KIAA1549L: variants seen among roughly 807,000 people sequenced by gnomAD.
KIAA1549L encodes KIAA1549 like, also known as UPF0606 protein KIAA1549L.
A neutral mutation model predicts 160.7 loss-of-function variants in KIAA1549L; 88 were observed. The ratio of observed to expected loss-of-function variants is 0.55; its 90% CI spans 0.46 to 0.65. The LOEUF is 0.65. Ranked by LOEUF, KIAA1549L falls within the 30% of genes least tolerant of loss-of-function variation. KIAA1549L has a pLI of 0.00. For missense variants in KIAA1549L, 2,258 were observed against 2,437.5 expected, an observed-to-expected ratio of 0.93 and a Z score of 1.55; for synonymous variants, 950 against 976.7, an observed-to-expected ratio of 0.97 and a Z score of 0.51.
At chr11:33,439,242 T>G (rs1851443229) in intron 1 of KIAA1549L, among the ~76,000 whole-genome samples, 1 of 152,094 alleles carries the variant, frequency 6.6e-6, no homozygotes, top group Non-Finnish European at 1.5e-5. Flanking sequence ...TGAAATGACC[T>G]TCTTTAACTA....
At position 33,672,935 on chromosome 11, in the gene KIAA1549L, C is replaced by G. The variant is rs1852707941; in HGVS notation, c.*4781C>G. ...ATAAGAAAACCAATGAGCCCCTCAA[C>G]AGAGTCTTTTGAAACAAAATTGGTT... On this transcript the variant is annotated 3_prime_UTR_variant, in exon 21 of 21. Transcript: ENST00000658780. 6.5e-6 allele frequency: 1 copy of G among 153,768 alleles called. No individual in the cohort carries two copies. The highest frequency in any genetic ancestry group is 2.1e-4 in the South Asian group (1 of 4,836). 9.5% of individuals were successfully genotyped at this position (153,768 alleles called of 1,614,324 possible). A position where few individuals can be genotyped will look rare whatever the true frequency, so the allele number is the denominator to read the frequency against.
intron 1 of KIAA1549L, among the ~76,000 whole-genome samples, chr11:33,493,795 G>A (rs1852753065): frequency 6.6e-6 from 1 of 152,154 alleles, no homozygotes; most frequent in Admixed American, 6.5e-5. Context: ...TAGCCAAGGG[G>A]CAGACTTGGG....
At chr11:33,629,576 A>G (rs558920891) in intron 16 of KIAA1549L, among the ~76,000 whole-genome samples, 2 of 151,562 alleles carry the variant, frequency 1.3e-5, no homozygotes, top group South Asian at 2.1e-4. Flanking sequence ...CCAGTTGATC[A>G]CATCGGCTCC....
intron 20 of KIAA1549L, among the ~76,000 whole-genome samples, chr11:33,667,326 GT>G (rs1417778257): frequency 6.7e-6 from 1 of 149,544 alleles, no homozygotes; most frequent in African/African-American, 2.5e-5. Flanking sequence ...TATTCCTAAG[GT>G]TTTTCAGCAA....
intron 1 of KIAA1549L, among the ~76,000 whole-genome samples, chr11:33,441,809 T>G (rs1381220805): frequency 6.6e-6 from 1 of 152,218 alleles, no homozygotes; most frequent in South Asian, 2.1e-4. Flanking sequence ...CATTGTAGAT[T>G]CTGGATATTA....
chr11:33,421,919 G>A (rs935422619), intron 1 of KIAA1549L, among the ~76,000 whole-genome samples: 1 of 152,096 alleles, frequency 6.6e-6, no homozygotes, highest in Non-Finnish European at 1.5e-5. Flanking sequence ...GTGGATTTGA[G>A]GTGGGGTTTG....
chr11:33,661,903 A>G (rs1190001275), intron 20 of KIAA1549L, among the ~76,000 whole-genome samples: 2 of 84,826 alleles, frequency 2.4e-5, no homozygotes, highest in African/African-American at 8.2e-5. Context: ...AAAAAAAAAA[A>G]AAAGAAACCC....
intron 14 of KIAA1549L, 90 bp downstream of exon 14, chr11:33,606,912 G>A (rs376140594): frequency 2.6e-6 from 3 of 1,139,236 alleles, no homozygotes; most frequent in African/African-American, 1.6e-5. Context: ...ACTGGGTGCA[G>A]ATTGCACCTA....
chr11:33,584,227 C>A (rs1229475515), intron 11 of KIAA1549L, among the ~76,000 whole-genome samples: 2 of 152,204 alleles, frequency 1.3e-5, no homozygotes, highest in Non-Finnish European at 2.9e-5. Flanking sequence ...TACAGGCCAC[C>A]CAGTCTGTGA....
chr11:33,478,567 A>G (rs1203805166), intron 1 of KIAA1549L, among the ~76,000 whole-genome samples: 1 of 152,190 alleles, frequency 6.6e-6, no homozygotes, highest in Non-Finnish European at 1.5e-5. Context: ...CTGGTCACAG[A>G]TAGGAATAGC....
intron 1 of KIAA1549L, among the ~76,000 whole-genome samples, chr11:33,533,413 C>T (rs890033774): frequency 2.0e-5 from 3 of 152,202 alleles, no homozygotes; most frequent in Non-Finnish European, 2.9e-5. Flanking sequence ...CCTGGCTAAG[C>T]ACTTTCTTAA....
intron 1 of KIAA1549L, among the ~76,000 whole-genome samples, chr11:33,387,138 T>C (rs1351115392): frequency 6.6e-6 from 1 of 151,870 alleles, no homozygotes; most frequent in East Asian, 1.9e-4. Flanking sequence ...TAAAATAAAA[T>C]GAGAGAGAAG....
Position 33,581,397 on chromosome 11 carries a change from TTGTGTG to T in KIAA1549L, c.4403-1911_4403-1906del, listed in dbSNP as rs10579855. Among the ~76,000 whole-genome samples, 1,166 of 149,578 alleles carry T rather than the reference TTGTGTG, an allele frequency of 7.8e-3. 11 individuals are homozygous for T. Among genetic ancestry groups the T allele is most frequent in the South Asian group, 0.027 (127 of 4,678 alleles). On this transcript the variant is annotated intron_variant, in intron 10 of 20. Transcript: ENST00000658780. Reference sequence around the variant, plus strand: ...GTTTGACTTCATTCCTTCTGACAAATTGTGTGTGTGTGTGTGTGTGTGTGTGTGTGT... The same window carrying T: ...GTTTGACTTCATTCCTTCTGACAAATTGTGTGTGTGTGTGTGTGTGTGTGT...
intron 1 of KIAA1549L, among the ~76,000 whole-genome samples, chr11:33,449,059 T>G (rs748558153): frequency 1.3e-5 from 2 of 152,222 alleles, no homozygotes; most frequent in Non-Finnish European, 2.9e-5. Context: ...AACTCAAGTT[T>G]GATCTTAAAT....
At chr11:33,573,118 G>A (rs1590356737) in intron 9 of KIAA1549L, among the ~76,000 whole-genome samples, 2 of 152,030 alleles carry the variant, frequency 1.3e-5, no homozygotes, top group East Asian at 3.9e-4. Flanking sequence ...TTTTCTATTG[G>A]GTTGTAATAA....
chr11:33,568,112 A>G lies in KIAA1549L; in HGVS notation c.4115A>G (p.His1372Arg). ...GTGGACAATTCGCTGGTGGGCCTGC[A>G]CAACCAGAGCTTTGCCCGGGTCATG... ...QGVDNSLVGL[H>R]NQSFARVMEQ... The change falls in exon 9 of 21, where the codon CAC becomes CGC. Residue 1372 changes from histidine (H) to arginine (R), a missense_variant. Physicochemically the swap from His to Arg is conservative, Grantham distance 29. Around this residue, in one of 6 missense-constraint regions of KIAA1549L, gnomAD observed 1,359 missense variants for 1,546.6 expected, o/e 0.88. Transcript: ENST00000658780. 1.2e-6 allele frequency: 2 copies of G among 1,612,740 alleles called. No homozygotes were observed. The highest frequency in any genetic ancestry group is 1.1e-5 in the South Asian group (1 of 90,666).
intron 1 of KIAA1549L, among the ~76,000 whole-genome samples, chr11:33,377,683 C>A (rs1470334417): frequency 2.0e-5 from 3 of 152,172 alleles, no homozygotes; most frequent in African/African-American, 7.2e-5. Flanking sequence ...AAATTCTGAG[C>A]TCTTGATACA....
At chr11:33,530,738 A>G (rs1019190085) in intron 1 of KIAA1549L, among the ~76,000 whole-genome samples, 1 of 152,018 alleles carries the variant, frequency 6.6e-6, no homozygotes, top group Non-Finnish European at 1.5e-5. Context: ...CCTGCTGCAT[A>G]GGGATTGTGA....
At chr11:33,385,791 G>A (rs1850162162) in intron 1 of KIAA1549L, among the ~76,000 whole-genome samples, 1 of 150,408 alleles carries the variant, frequency 6.6e-6, no homozygotes, top group African/African-American at 2.4e-5. Flanking sequence ...ATTTACTTAG[G>A]TATTCTTTCT....
Sources: gnomAD v4.1 joint callset for allele counts (sites outside exome capture counted in the v4.1 genomes callset) on GRCh38, gnomAD v4.1.1 for gene constraint, gnomAD v4.1.1 regional missense constraint, MANE v1.5 for transcripts, NCBI Gene and HGNC (gene_info 2026-07-23, HGNC 2026-07-21) for gene names.